RNF215: variants seen among roughly 807,000 people sequenced by gnomAD.
RNF215 encodes ring finger protein 215.
RNF215 carries 41 observed loss-of-function variants against 44.8 expected under a neutral mutation model. That is an observed-to-expected ratio of 0.92 (90% CI 0.71 to 1.19). The LOEUF is 1.19. Among genes scored for constraint, RNF215 ranks in the 50% most tolerant of loss-of-function variants. The probability of loss-of-function intolerance (pLI) is 0.00; values close to 1 mark genes in which losing one functional copy is unlikely to be tolerated. For synonymous variants in RNF215, 218 were observed against 230.1 expected, an observed-to-expected ratio of 0.95 and a Z score of 0.48; for missense variants, 452 against 496.2, an observed-to-expected ratio of 0.91 and a Z score of 0.85.
intron 4 of RNF215, 85 bp downstream of exon 4, chr22:30,385,819 T>A: frequency 8.2e-7 from 1 of 1,226,162 alleles, no homozygotes; most frequent in Non-Finnish European, 1.2e-6. Flanking sequence ...GGTAAGGCCC[T>A]GGTCCCAAGC....
intron 5 of RNF215, among the ~76,000 whole-genome samples, chr22:30,381,859 A>G (rs1933533809): frequency 6.6e-6 from 1 of 152,158 alleles, no homozygotes; most frequent in South Asian, 2.1e-4. Flanking sequence ...GCAGCTGGGC[A>G]GTGCCACCTG....
In RNF215 at chr22:30,387,210, C is replaced by A; in HGVS notation, c.104G>T (p.Gly35Val). 9.8e-7 allele frequency: 1 copy of A among 1,016,454 alleles called. No individual in the cohort carries two copies. Among genetic ancestry groups the A allele is most frequent in the Non-Finnish European group, 1.2e-6 (1 of 846,066 alleles). 63.0% of individuals were successfully genotyped at this position (1,016,454 alleles called of 1,614,324 possible). ...LLLPLLPLWL[G>V]LAGPGAAADG... ...CGCCGCGGCCCCGGGCCCCGCCAGGCCCAGCCACAGCGGCAGCAGGGGCAG... is the reference window on the plus strand; with the variant it reads ...CGCCGCGGCCCCGGGCCCCGCCAGGACCAGCCACAGCGGCAGCAGGGGCAG... Residue 35 changes from glycine (G) to valine (V), a missense_variant, in exon 1 of 9, where the codon GGC becomes GTC. Coordinates refer to ENST00000382363, the MANE Select transcript of RNF215 (RefSeq NM_001017981.2).
intron 4 of RNF215, among the ~76,000 whole-genome samples, chr22:30,385,421 CAAAAAAAAAAA>C (rs917390932): frequency 1.9e-5 from 1 of 53,012 alleles, no homozygotes; most frequent in Non-Finnish European, 4.0e-5. Flanking sequence ...AACTCCATCT[CAAAAAAAAAAA>C]AAAAAAAAAG....
rs1026888201 is a variant in RNF215 at position 30,386,701 on chromosome 22, T to C, written c.344A>G (p.Tyr115Cys). The stretch of plus-strand genomic sequence containing the variant: ...CTGGGCCGCCTGCTCCTTGCCCACG[T>C]ATGCCACTGCAATCCAGCCTTCCAC... ...APVEGWIAVA[Y>C]VGKEQAAQFH... Residue 115 changes from tyrosine to cysteine, a missense_variant, in exon 2 of 9, where the codon TAC (tyrosine) becomes TGC (cysteine). Transcript: ENST00000382363. The C allele has an allele frequency of 6.8e-6, 11 of 1,611,836 alleles. No individual in the cohort carries two copies. The Admixed American group carries it at 1.2e-4, about 17-fold the overall frequency.
intron 4 of RNF215, 139 bp from the exon 5 acceptor site, chr22:30,384,634 C>G: frequency 1.4e-6 from 1 of 694,934 alleles, no homozygotes; most frequent in Middle Eastern, 4.2e-4. Context: ...AGGCCTTTTC[C>G]CTCTATTGGT....
chr22:30,384,230 G>A (rs889298560), intron 5 of RNF215, 109 bp downstream of exon 5: 131 of 1,242,776 alleles, frequency 1.1e-4, no homozygotes, highest in Admixed American at 1.4e-4. Context: ...GGGAAAGGCC[G>A]TCCTTGTCAC....
Position 30,379,781 on chromosome 22 carries a change from A to G in RNF215, c.1041T>C (p.Phe347=). ...WLRVLPCKHE[F]HRDCVDPWLM... is the part of the protein sequence containing the mutation. ...GCCAGGGGTCCACACAGTCTCGGTG[A>G]AACTCGTGCTTACAGGGCAGCACCC... Residue 347 remains phenylalanine, a synonymous_variant, in exon 8 of 9, where the codon TTT becomes TTC. Coordinates refer to ENST00000382363, the MANE Select transcript of RNF215 (RefSeq NM_001017981.2). 1 of 1,570,632 alleles carries G rather than the reference A, an allele frequency of 6.4e-7. No homozygotes were observed. The highest frequency in any genetic ancestry group is 8.6e-7 in the Non-Finnish European group (1 of 1,159,002).
chr22:30,382,360 C>T (rs575326324), intron 5 of RNF215, among the ~76,000 whole-genome samples: 16 of 150,418 alleles, frequency 1.1e-4, no homozygotes, highest in African/African-American at 3.4e-4. Flanking sequence ...GCCGAGATTG[C>T]GCCATTGCAC....
intron 4 of RNF215, 79 bp downstream of exon 4, chr22:30,385,825 C>T: frequency 7.5e-7 from 1 of 1,338,658 alleles, no homozygotes; most frequent in Non-Finnish European, 1.1e-6. Context: ...GCCCTGGTCC[C>T]AAGCCCCCTC....
At position 30,380,144 on chromosome 22, in the gene RNF215, C is replaced by T. The variant is rs751975100; in HGVS notation, c.926G>A (p.Arg309Gln). 1.5e-5 allele frequency: 24 copies of T among 1,613,854 alleles called. No homozygotes were observed. The highest frequency in any genetic ancestry group is 8.9e-5 in the East Asian group (4 of 44,876). Residue 309 changes from arginine to glutamine, a missense_variant, in exon 7 of 9, where the codon CGG becomes CAG. By Grantham distance (43) the Arg-to-Gln change is conservative. Coordinates refer to ENST00000382363, the MANE Select transcript of RNF215 (RefSeq NM_001017981.2). This position sits in a 1 kb window ranked among gnomAD's most constrained non-coding sequence, Gnocchi z 5.3. Reference sequence around the variant, plus strand: ...GAGGCCCTGCGCTGCCCTGCTCAGCCGGCAGCGCCGTGTCTTGAGGGATGC... The same window carrying T: ...GAGGCCCTGCGCTGCCCTGCTCAGCTGGCAGCGCCGTGTCTTGAGGGATGC... Reference protein sequence around the residue: ...RLASLKTRRCRLSRAAQGLPD... With the variant: ...RLASLKTRRCQLSRAAQGLPD...
chr22:30,379,612 G>T lies in RNF215; in HGVS notation c.1122C>A (p.Tyr374Ter). 6.4e-7 allele frequency: 1 copy of T among 1,551,132 alleles called. No individual in the cohort carries two copies. Among genetic ancestry groups the T allele is most frequent in the South Asian group, 1.2e-5 (1 of 84,034 alleles). ...TCCAGCTGGGCAGCTAATCATCGGAGTAGCGGTTCCCTGCAGGGGAGGGGA... is the reference window on the plus strand; with the variant it reads ...TCCAGCTGGGCAGCTAATCATCGGATTAGCGGTTCCCTGCAGGGGAGGGGA... ...LCKFNVLGNR[Y>*]SDD The change falls in exon 9 of 9, where the codon TAC (tyrosine) becomes TAA (stop). Residue 374 changes from tyrosine (Y) to a stop codon, truncating the protein, a stop_gained. Coordinates refer to ENST00000382363, the MANE Select transcript of RNF215 (RefSeq NM_001017981.2). LOFTEE classifies it high-confidence loss of function.
Position 30,380,458 on chromosome 22 carries a change from G to A in RNF215, c.745-57C>T. The A allele has an allele frequency of 6.5e-7, 1 of 1,542,112 alleles. No homozygotes were observed. The highest frequency in any genetic ancestry group is 8.7e-7 in the Non-Finnish European group (1 of 1,143,390). On this transcript the variant is annotated intron_variant, in intron 5 of 8. Transcript: ENST00000382363. The surrounding 1 kb of genome is among the most constrained non-coding windows in gnomAD (Gnocchi z 5.3). ...GGCCACCCCCACACGCCTCCCTTAG[G>A]AACATCTACCCCCAGGAACGCCAGG...
Position 30,379,824 on chromosome 22 carries a change from G to T in RNF215, c.1009-11C>A, listed in dbSNP as rs1018017560. The T allele has an allele frequency of 1.4e-5, 22 of 1,572,150 alleles. No individual in the cohort carries two copies. Among genetic ancestry groups the T allele is most frequent in the Admixed American group, 1.1e-4 (6 of 52,894 alleles). On this transcript the variant is annotated splice_polypyrimidine_tract_variant and intron_variant, in intron 7 of 8. Transcript: ENST00000382363. ...CAGCACCCGGAGCCACTACAGGGGTGGGGGAGGAAGGGCTCAGGTCACCGA... is the reference window on the plus strand; with the variant it reads ...CAGCACCCGGAGCCACTACAGGGGTTGGGGAGGAAGGGCTCAGGTCACCGA...
At position 30,387,256 on chromosome 22, in the gene RNF215, G is replaced by A; in HGVS notation, c.58C>T (p.Pro20Ser). ...RSPPPPPPPP[P>S]SPLLLLLPLL... is the part of the protein sequence containing the mutation. Reference sequence around the variant, plus strand: ...GGCAGCAGCAGCAGCAGCGGAGACGGAGGCGGCGGCGGAGGCGGCGGCGGC... The same window carrying A: ...GGCAGCAGCAGCAGCAGCGGAGACGAAGGCGGCGGCGGAGGCGGCGGCGGC... Residue 20 changes from proline (P) to serine (S), a missense_variant, in exon 1 of 9, where the codon CCG becomes TCG. Pro to Ser is a moderately conservative substitution (Grantham distance 74). Transcript: ENST00000382363. 3 of 1,032,994 alleles carry A rather than the reference G, an allele frequency of 2.9e-6. No individual in the cohort carries two copies. The highest frequency in any genetic ancestry group is 3.5e-6 in the Non-Finnish European group (3 of 856,624). The allele number at this position is 1,032,994 out of a possible 1,614,324, so 64.0% of individuals were successfully genotyped here. A position where few individuals can be genotyped will look rare whatever the true frequency, so the allele number is the denominator to read the frequency against.
At chr22:30,384,065 G>A (rs1050504517) in intron 5 of RNF215, among the ~76,000 whole-genome samples, 2 of 152,150 alleles carry the variant, frequency 1.3e-5, no homozygotes, top group African/African-American at 4.8e-5. Flanking sequence ...CACGCAGAGG[G>A]GTCTGAATTT....
rs1933489014 is a variant in RNF215, at chr22:30,379,488, T to C, written c.*112A>G. 5.2e-6 allele frequency: 7 copies of C among 1,341,802 alleles called. No individual in the cohort carries two copies. The East Asian group carries it at 1.8e-4, about 34-fold the overall frequency. 83.1% of individuals were successfully genotyped at this position (1,341,802 alleles called of 1,614,324 possible). A position where few individuals can be genotyped will look rare whatever the true frequency, so the allele number is the denominator to read the frequency against. On this transcript the variant is annotated 3_prime_UTR_variant, in exon 9 of 9. Coordinates refer to ENST00000382363, the MANE Select transcript of RNF215 (RefSeq NM_001017981.2). ...CATCCTTCCTCCCACCCACTGGGCT[T>C]GCTGTCCTGTCTATCCTGCTGTCCC... is the stretch of plus-strand genomic sequence containing the variant.
intron 7 of RNF215, 119 bp from the exon 8 acceptor site, chr22:30,379,932 C>A: frequency 7.2e-6 from 11 of 1,532,996 alleles, no homozygotes; most frequent in South Asian, 2.3e-5. Context: ...CCCCCACCCC[C>A]CTGAAATTCT....
chr22:30,382,701 G>A (rs546316259), intron 5 of RNF215, among the ~76,000 whole-genome samples: 1 of 152,226 alleles, frequency 6.6e-6, no homozygotes, highest in South Asian at 2.1e-4. Context: ...CTGCATCCTG[G>A]GGAGCCCTAT....
At position 30,379,509 on chromosome 22, in the gene RNF215, G is replaced by A. The variant is rs1029881454; in HGVS notation, c.*91C>T. 134 of 1,471,648 alleles carry A rather than the reference G, an allele frequency of 9.1e-5. No homozygotes were observed. The highest frequency in any genetic ancestry group is 1.2e-4 in the Non-Finnish European group (128 of 1,090,454). 91.2% of individuals were successfully genotyped at this position (1,471,648 alleles called of 1,614,324 possible). ...GGCTTGCTGTCCTGTCTATCCTGCT[G>A]TCCCATCCTGTCCTGTCCTGGGAGC... On this transcript the variant is annotated 3_prime_UTR_variant, in exon 9 of 9. Transcript: ENST00000382363.
Sources: gnomAD v4.1 joint callset for allele counts (sites outside exome capture counted in the v4.1 genomes callset) on GRCh38, gnomAD v4.1.1 for gene constraint, Gnocchi (gnomAD v3.1) non-coding constraint, MANE v1.5 for transcripts, NCBI Gene and HGNC (gene_info 2026-07-23, HGNC 2026-07-21) for gene names.